MTMR8: variants seen among roughly 807,000 people sequenced by gnomAD.
MTMR8 encodes the protein phosphatidylinositol-3,5-bisphosphate 3-phosphatase MTMR8.
Under a neutral mutation model 39.3 loss-of-function variants are expected in MTMR8, and 65 were observed. The ratio of observed to expected loss-of-function variants is 1.65; its 90% CI spans 1.35 to 2.03. The LOEUF (loss-of-function observed/expected upper bound fraction) is 2.03. Among genes scored for constraint, MTMR8 ranks in the 30% most tolerant of loss-of-function variants. The probability of loss-of-function intolerance (pLI) is 0.00; values close to 1 mark genes in which losing one functional copy is unlikely to be tolerated. For missense variants in MTMR8, 777 were observed against 538.9 expected, an observed-to-expected ratio of 1.44 and a Z score of -4.37; for synonymous variants, 245 against 185.2, an observed-to-expected ratio of 1.32 and a Z score of -2.62.
At chrX:64,363,550 G>A (rs1399652017) in intron 1 of MTMR8, among the ~76,000 whole-genome samples, 1 of 112,219 alleles carries the variant, frequency 8.9e-6, no homozygotes, top group East Asian at 2.8e-4. Flanking sequence ...CTGTGTTATG[G>A]TTTCTGCTCA....
intron 1 of MTMR8, chrX:64,360,390 CAAAAA>C (rs60554048): frequency 2.4e-4 from 45 of 190,463 alleles, no homozygotes; most frequent in Admixed American, 5.1e-4. Context: ...TCAAGCAGAC[CAAAAA>C]AAAAAAAAAA....
intron 12 of MTMR8, among the ~76,000 whole-genome samples, chrX:64,272,645 G>A (rs1175899392): frequency 1.8e-5 from 2 of 111,238 alleles, no homozygotes. Flanking sequence ...TAAATCTGAG[G>A]AAGGAAATGG....
At chrX:64,301,465 G>C (rs1310493742) in intron 12 of MTMR8, among the ~76,000 whole-genome samples, 1 of 105,566 alleles carries the variant, frequency 9.5e-6, no homozygotes, top group Non-Finnish European at 2.0e-5. Flanking sequence ...GGTTATTCTA[G>C]TTATACATTC....
At chrX:64,297,647 G>C (rs1277318510) in intron 12 of MTMR8, among the ~76,000 whole-genome samples, 1 of 95,939 alleles carries the variant, frequency 1.0e-5, no homozygotes, top group Non-Finnish European at 2.1e-5. Context: ...TGGACATGAA[G>C]TCCTTGCCCA....
At chrX:64,387,235 G>A (rs1008463254) in intron 1 of MTMR8, among the ~76,000 whole-genome samples, 2 of 111,170 alleles carry the variant, frequency 1.8e-5, no homozygotes, top group Non-Finnish European at 3.8e-5. Context: ...AAAAAACAAA[G>A]CATCTTTAGC....
At position 64,302,240 on chromosome X, in the gene MTMR8, C is replaced by T. The variant is rs765312266; in HGVS notation, c.1481+26532G>A. On this transcript the variant is annotated intron_variant, in intron 12 of 13. Transcript: ENST00000374852. ...GAGATTCCGCGGGCGTAGGACCCTC[C>T]GAGCCAGGTGTGGGATATAGTCTCA... Among the ~76,000 whole-genome samples, 12 of 112,585 alleles carry T rather than the reference C, an allele frequency of 1.1e-4. No homozygotes were observed. In the East Asian group the frequency reaches 1.4e-3, roughly 13 times the overall value.
chrX:64,296,469 T>A (rs1291912899), intron 12 of MTMR8, among the ~76,000 whole-genome samples: 1 of 110,408 alleles, frequency 9.1e-6, no homozygotes, highest in African/African-American at 3.3e-5. Flanking sequence ...TTATGTTATG[T>A]ATATTTTACA....
At chrX:64,376,119 C>T (rs926064012) in intron 1 of MTMR8, among the ~76,000 whole-genome samples, 7 of 112,255 alleles carry the variant, frequency 6.2e-5, no homozygotes, top group Non-Finnish European at 1.9e-5. Context: ...TCAATTAAAC[C>T]TCTTTTCTTC....
Position 64,343,863 on chromosome X carries a change from A to C in MTMR8, c.866-143T>G. On this transcript the variant is annotated intron_variant, in intron 7 of 13. Coordinates refer to ENST00000374852, the MANE Select transcript of MTMR8 (RefSeq NM_017677.4). ...TTAGTTAGAAACCACACAGTGAGTC[A>C]GGGACAGAACTAGGTCTAAAGCCTA... 18 of 463,534 alleles carry C rather than the reference A, an allele frequency of 3.9e-5. No homozygotes were observed. The South Asian group carries it at 5.3e-4, about 14-fold the overall frequency. The allele number at this position is 463,534 out of a possible 1,213,427, so 38.2% of individuals were successfully genotyped here.
chrX:64,276,089 G>T (rs987554520), intron 12 of MTMR8, among the ~76,000 whole-genome samples: 1 of 111,356 alleles, frequency 9.0e-6, no homozygotes, highest in African/African-American at 3.3e-5. Context: ...TTCTTTATTA[G>T]TCTGGCTAGT....
intron 1 of MTMR8, among the ~76,000 whole-genome samples, chrX:64,367,512 A>T (rs182576254): frequency 5.3e-4 from 60 of 112,227 alleles, no homozygotes; most frequent in African/African-American, 1.9e-3. Flanking sequence ...CAAAAACCAC[A>T]TGATTATCTC....
At chrX:64,372,576 G>A (rs775152157) in intron 1 of MTMR8, among the ~76,000 whole-genome samples, 3 of 111,807 alleles carry the variant, frequency 2.7e-5, no homozygotes, top group Non-Finnish European at 3.8e-5. Context: ...GAACCATTCA[G>A]TATGTAACCT....
intron 10 of MTMR8, among the ~76,000 whole-genome samples, chrX:64,335,401 G>A (rs960309316): frequency 8.9e-6 from 1 of 112,084 alleles, no homozygotes; most frequent in Non-Finnish European, 1.9e-5. Flanking sequence ...CAAAGTGCTA[G>A]GATCACAGGT....
intron 12 of MTMR8, among the ~76,000 whole-genome samples, chrX:64,322,651 G>A (rs1158179150): frequency 8.9e-6 from 1 of 112,160 alleles, no homozygotes; most frequent in Non-Finnish European, 1.9e-5. Context: ...CAGAGCCACA[G>A]CTAGCATGTA....
chrX:64,281,990 C>A (rs2147131440), intron 12 of MTMR8, among the ~76,000 whole-genome samples: 1 of 110,249 alleles, frequency 9.1e-6, no homozygotes, highest in Admixed American at 9.6e-5. Context: ...CTTCACTGAT[C>A]ATTAGAGAAA....
At chrX:64,284,588 C>T (rs375046355) in intron 12 of MTMR8, among the ~76,000 whole-genome samples, 2 of 111,835 alleles carry the variant, frequency 1.8e-5, no homozygotes, top group African/African-American at 6.5e-5. Flanking sequence ...GGTCACATTA[C>T]CCACAAAGGG....
chrX:64,317,647 T>G (rs748997719), intron 12 of MTMR8, among the ~76,000 whole-genome samples: 1 of 112,426 alleles, frequency 8.9e-6, no homozygotes, highest in South Asian at 3.7e-4. Context: ...TTGACTGCCT[T>G]TTTTCAGTTG....
At chrX:64,316,619 G>A (rs139128528) in intron 12 of MTMR8, among the ~76,000 whole-genome samples, 2 of 111,669 alleles carry the variant, frequency 1.8e-5, no homozygotes, top group African/African-American at 6.5e-5. Context: ...ATGCACACCA[G>A]CCTGGGTGAC....
At chrX:64,289,128 A>G (rs1921309185) in intron 12 of MTMR8, among the ~76,000 whole-genome samples, 1 of 111,081 alleles carries the variant, frequency 9.0e-6, no homozygotes, top group Non-Finnish European at 1.9e-5. Context: ...ATTTCTCCAA[A>G]GAAATTAAAA....
Sources: gnomAD v4.1 joint callset for allele counts (sites outside exome capture counted in the v4.1 genomes callset) on GRCh38, gnomAD v4.1.1 for gene constraint, MANE v1.5 for transcripts, NCBI Gene and HGNC (gene_info 2026-07-23, HGNC 2026-07-21) for gene names.